The following CSPP1 variants were observed in gnomAD, a reference collection of about 807,000 sequenced individuals.
CSPP1 encodes the protein centrosome and spindle pole-associated protein 1.
CSPP1 carries 126 observed loss-of-function variants against 164.4 expected under a neutral mutation model. The observed-to-expected ratio is 0.77, with a 90% CI of 0.66 to 0.89. CSPP1 has a LOEUF of 0.89. CSPP1 is among the 40% of genes least tolerant of loss of function. CSPP1 has a pLI of 0.00. For missense variants in CSPP1, 1,395 were observed against 1,449.8 expected, an observed-to-expected ratio of 0.96 and a Z score of 0.61; for synonymous variants, 472 against 476.7, an observed-to-expected ratio of 0.99 and a Z score of 0.13.
At chr8:67,132,468 G>A (rs1030225878) in intron 16 of CSPP1, among the ~76,000 whole-genome samples, 4 of 152,174 alleles carry the variant, frequency 2.6e-5, no homozygotes, top group African/African-American at 4.8e-5. Flanking sequence ...CTGAAGGAAG[G>A]AAATTTTAGG....
chr8:67,168,142 C>T (rs973710508), intron 24 of CSPP1, among the ~76,000 whole-genome samples: 6 of 152,164 alleles, frequency 3.9e-5, no homozygotes, highest in Admixed American at 1.3e-4. Flanking sequence ...CAAAAAAGTA[C>T]GAAAACTAGT....
chr8:67,171,513 G>A (rs374404401), intron 24 of CSPP1, among the ~76,000 whole-genome samples: 1 of 151,988 alleles, frequency 6.6e-6, no homozygotes, highest in East Asian at 2.0e-4. Flanking sequence ...CTCAGCAGTA[G>A]CCAGGACTAC....
At chr8:67,181,674 T>C (rs560015392) in intron 28 of CSPP1, among the ~76,000 whole-genome samples, 7 of 152,344 alleles carry the variant, frequency 4.6e-5, no homozygotes, top group African/African-American at 1.2e-4. Context: ...TTTAAAATTG[T>C]AAAATACACA....
chr8:67,189,429 C>A (rs1165530928), intron 28 of CSPP1, among the ~76,000 whole-genome samples: 1 of 152,060 alleles, frequency 6.6e-6, no homozygotes, highest in Admixed American at 6.5e-5. Context: ...TTTTTCAGCA[C>A]TAAAACAAAA....
intron 30 of CSPP1, among the ~76,000 whole-genome samples, chr8:67,195,161 A>AT (rs1217818746): frequency 3.9e-5 from 6 of 152,068 alleles, no homozygotes. Context: ...TCAGTTGATC[A>AT]TTTTTTGTTT....
chr8:67,161,470 A>G (rs1230246710), intron 21 of CSPP1, among the ~76,000 whole-genome samples: 3 of 151,730 alleles, frequency 2.0e-5, no homozygotes, highest in Non-Finnish European at 4.4e-5. Flanking sequence ...ATTTTTTTGT[A>G]TTGTCATGGT....
At chr8:67,090,447 G>A (rs76153776) in intron 4 of CSPP1, among the ~76,000 whole-genome samples, 12,565 of 151,982 alleles carry the variant, frequency 0.083, 1,057 homozygotes, top group African/African-American at 0.22. Flanking sequence ...CCCCAAGCCC[G>A]GCTAATTTTT....
chr8:67,192,510 G>A (rs1836650427), intron 29 of CSPP1, among the ~76,000 whole-genome samples: 1 of 151,930 alleles, frequency 6.6e-6, no homozygotes, highest in Admixed American at 6.6e-5. Flanking sequence ...CTTTCTTGAT[G>A]GTGTTCTTTG....
intron 26 of CSPP1, 28 bp from the exon 27 acceptor site, chr8:67,177,652 A>G: frequency 6.4e-7 from 1 of 1,556,038 alleles, no homozygotes; most frequent in Non-Finnish European, 8.8e-7. Context: ...TGACCTTTTA[A>G]TTTGCTTTTG....
chr8:67,135,591 C>T (rs1244449930), intron 16 of CSPP1: 1 of 152,228 alleles, frequency 6.6e-6, no homozygotes, highest in Non-Finnish European at 1.5e-5. Flanking sequence ...TAGGGCCTTG[C>T]TCTGGTTTAG....
chr8:67,158,651 G>A (rs750578112), intron 20 of CSPP1, 55 bp downstream of exon 20: 441 of 1,508,816 alleles, frequency 2.9e-4, no homozygotes, highest in Non-Finnish European at 3.6e-4. Flanking sequence ...TGAAATCTTT[G>A]ACTTGAAAAG....
At chr8:67,195,353 C>T in intron 30 of CSPP1, 29 bp from the exon 31 acceptor site, 1 of 1,521,204 alleles carries the variant, frequency 6.6e-7, no homozygotes, top group Non-Finnish European at 9.1e-7. Flanking sequence ...CCTGTGTTAC[C>T]TGAGCCACGT....
intron 28 of CSPP1, among the ~76,000 whole-genome samples, chr8:67,181,533 G>A (rs1467345440): frequency 6.6e-6 from 1 of 151,972 alleles, no homozygotes; most frequent in Non-Finnish European, 1.5e-5. Context: ...TGACACTAGA[G>A]CAAAGATACA....
At chr8:67,151,726 A>C (rs1396654928) in intron 18 of CSPP1, among the ~76,000 whole-genome samples, 2 of 152,122 alleles carry the variant, frequency 1.3e-5, no homozygotes, top group Admixed American at 6.5e-5. Context: ...TAAAAAAAAA[A>C]CCATAAAATG....
At chr8:67,154,800 C>G (rs961432283) in intron 19 of CSPP1, among the ~76,000 whole-genome samples, 10 of 152,082 alleles carry the variant, frequency 6.6e-5, no homozygotes, top group Admixed American at 4.6e-4. Flanking sequence ...CACGCCCAGC[C>G]TAAGTCATTA....
Position 67,165,060 on chromosome 8 carries a change from G to A in CSPP1, c.2828+552G>A, listed in dbSNP as rs571249229. On this transcript the variant is annotated intron_variant, in intron 24 of 30. Coordinates refer to ENST00000678616, the MANE Select transcript of CSPP1 (RefSeq NM_001382391.1). ...GCACTTTTGGGAGGCCAAGGTGGGC[G>A]GATCACGAGGTCAGGAGATCGAGAC... is the stretch of plus-strand genomic sequence containing the variant. 1.1e-4 allele frequency among the ~76,000 whole-genome samples: 16 copies of A among 152,274 alleles called. No individual in the cohort carries two copies. In the East Asian group the frequency reaches 1.9e-3, roughly 18 times the overall value.
chr8:67,169,413 A>G (rs1171328999), intron 24 of CSPP1, among the ~76,000 whole-genome samples: 1 of 152,162 alleles, frequency 6.6e-6, no homozygotes, highest in Non-Finnish European at 1.5e-5. Flanking sequence ...AATAATGCCC[A>G]TATTGAACTA....
At chr8:67,184,083 C>T (rs946278105) in intron 28 of CSPP1, among the ~76,000 whole-genome samples, 1 of 152,056 alleles carries the variant, frequency 6.6e-6, no homozygotes, top group African/African-American at 2.4e-5. Context: ...GAACTCCTGA[C>T]CTCAGGTGAT....
chr8:67,097,204 A>G (rs777079268), intron 7 of CSPP1, among the ~76,000 whole-genome samples: 1 of 152,184 alleles, frequency 6.6e-6, no homozygotes, highest in Admixed American at 6.5e-5. Flanking sequence ...TTTATTTGCT[A>G]GTCCAAATAG....
Sources: allele counts gnomAD v4.1 joint callset (sites outside exome capture counted in the v4.1 genomes callset), GRCh38; gene constraint gnomAD v4.1.1; transcripts MANE v1.5; gene names NCBI Gene and HGNC (gene_info 2026-07-23, HGNC 2026-07-21).